Variants in CLSTN1 observed in about 807,000 individuals in gnomAD.
The protein encoded by CLSTN1 is calsyntenin 1.
CLSTN1 carries 28 observed loss-of-function variants against 108.3 expected under a neutral mutation model. The observed-to-expected ratio is 0.26, with a 90% confidence interval of 0.19 to 0.35. The LOEUF (loss-of-function observed/expected upper bound fraction) is 0.35. CLSTN1 is among the 10% of genes least tolerant of loss of function. The pLI is 1.00. For synonymous variants in CLSTN1, 524 were observed against 534.9 expected (o/e 0.98, Z 0.28); for missense variants, 1,157 against 1,302.6 (o/e 0.89, Z 1.72).
rs568961842 is a variant in CLSTN1 at position 9,791,203 on chromosome 1, C to A, written c.92-17809G>T. Among the ~76,000 whole-genome samples, 54 of 148,454 alleles carry A rather than the reference C, an allele frequency of 3.6e-4. 5 individuals are homozygous for A. In the South Asian group the frequency reaches 0.012, roughly 33 times the overall value. On this transcript the variant is annotated intron_variant, in intron 1 of 18. Coordinates refer to ENST00000377298, the MANE Select transcript of CLSTN1 (RefSeq NM_001009566.3). ...CCTGTTAAACCTGGCTTAAATATAG[C>A]AACCCTAAAGCTGAAAGACAAAGAA...
upstream of CLSTN1, chr1:9,824,041 G>C (rs1655308643): frequency 6.7e-6 from 1 of 148,334 alleles, no homozygotes; most frequent in East Asian, 2.0e-4. The surrounding 1 kb of genome is among the most constrained non-coding windows in gnomAD (Gnocchi z 5.0). Context: ...GGCGGGGATG[G>C]GGAGCGACGC....
rs532407641 is a variant in CLSTN1, at chr1:9,781,034, G to GGA, written c.92-7641_92-7640insTC. The GGA allele has an allele frequency of 3.3e-4, 173 of 516,810 alleles. 1 individual carries two copies. The highest frequency in any genetic ancestry group is 2.8e-3 in the African/African-American group (141 of 50,628). The allele number at this position is 516,810 out of a possible 1,614,324, so 32.0% of individuals were successfully genotyped here. A position where few individuals can be genotyped will look rare whatever the true frequency, so the allele number is the denominator to read the frequency against. ...GATTTTGGAGCATTTCACATTTCAG[G>GGA]TTTTGGGATTAAGAGTATCCAACCT... is the stretch of plus-strand genomic sequence containing the variant. On this transcript the variant is annotated intron_variant, in intron 1 of 18. Transcript: ENST00000377298.
intron 2 of CLSTN1, among the ~76,000 whole-genome samples, chr1:9,759,338 C>A (rs536612227): frequency 1.3e-5 from 2 of 152,218 alleles, no homozygotes; most frequent in Non-Finnish European, 2.9e-5. Context: ...TGCAGTGGCA[C>A]GATCTTGGCT....
intron 2 of CLSTN1, among the ~76,000 whole-genome samples, chr1:9,762,855 G>A (rs1194420726): frequency 6.6e-6 from 1 of 152,170 alleles, no homozygotes; most frequent in East Asian, 1.9e-4. Flanking sequence ...GGGTGTCCGG[G>A]CTGTCCCTGA....
Position 9,823,647 on chromosome 1 carries a change from C to A in CLSTN1, c.87G>T (p.Ala29=). 1.7e-6 allele frequency: 2 copies of A among 1,178,560 alleles called. No homozygotes were observed. Among genetic ancestry groups the A allele is most frequent in the Non-Finnish European group, 2.1e-6 (2 of 952,330 alleles). The allele number at this position is 1,178,560 out of a possible 1,614,324, so 73.0% of individuals were successfully genotyped here. A position where few individuals can be genotyped will look rare whatever the true frequency, so the allele number is the denominator to read the frequency against. The stretch of plus-strand genomic sequence containing the variant: ...CGGCCCAGCCCCGGGGCTTACCTCG[C>A]GCGGCCCAGACCCCGCCGCCGCACA... ...GLLCGGGVWA[A]RVNKHKPWLE... is the part of the protein sequence containing the mutation. The change falls in exon 1 of 19, where the codon GCG becomes GCT. Residue 29 remains alanine (A), a synonymous_variant. Transcript: ENST00000377298. This position sits in a 1 kb window ranked among gnomAD's most constrained non-coding sequence, Gnocchi z 6.3.
rs148218050 is a variant in CLSTN1, at chr1:9,819,559, A to G, written c.91+4084T>C. Among the ~76,000 whole-genome samples the G allele has an allele frequency of 8.4e-3, 1,283 of 152,296 alleles. 19 individuals carry two copies. Among genetic ancestry groups the G allele is most frequent in the East Asian group, 0.043 (226 of 5,196 alleles). On this transcript the variant is annotated intron_variant, in intron 1 of 18. Coordinates refer to ENST00000377298, the MANE Select transcript of CLSTN1 (RefSeq NM_001009566.3). ...AATACTGGCACAGATAATGTATGTT[A>G]TGACCTCCTAAACCTTCCTTTTGAA...
chr1:9,731,472 G>T, intron 17 of CLSTN1, 82 bp from the exon 18 acceptor site: 1 of 1,428,822 alleles, frequency 7.0e-7, no homozygotes, highest in Non-Finnish European at 9.7e-7. Flanking sequence ...GCTGTGCCTG[G>T]TCAAAACGGG....
At position 9,749,759 on chromosome 1, in the gene CLSTN1, C is replaced by T. The variant is rs1359643148; in HGVS notation, c.799+5G>A. ...TGTGAGCGCAGGGGAGAGAATGAAGCTCACCTTGCCACCCAGGGGTGCAGG... is the reference window on the plus strand; with the variant it reads ...TGTGAGCGCAGGGGAGAGAATGAAGTTCACCTTGCCACCCAGGGGTGCAGG... On this transcript the variant is annotated splice_donor_5th_base_variant and intron_variant, in intron 6 of 18. Transcript: ENST00000377298. 1.2e-6 allele frequency: 2 copies of T among 1,613,840 alleles called. No homozygotes were observed. Among genetic ancestry groups the T allele is most frequent in the South Asian group, 1.1e-5 (1 of 91,032 alleles).
intron 12 of CLSTN1, 98 bp from the exon 13 acceptor site, chr1:9,735,713 A>C (rs925840057): frequency 2.7e-5 from 42 of 1,539,864 alleles, no homozygotes; most frequent in Non-Finnish European, 3.7e-5. Context: ...CCTGGGTTCG[A>C]TTTGAATTGC....
rs543170757 is a variant in CLSTN1, at chr1:9,745,524, G to A, written c.986-881C>T. 9.2e-5 allele frequency among the ~76,000 whole-genome samples: 14 copies of A among 151,962 alleles called. 1 individual carries two copies. In the East Asian group the frequency reaches 2.6e-3, roughly 28 times the overall value. On this transcript the variant is annotated intron_variant, in intron 7 of 18. Transcript: ENST00000377298. ...ACACAAAAATTAGCCAGGTGTGGTG[G>A]TGCATCCCTGTAGTCCCAGCTACTT...
chr1:9,766,839 G>C (rs184394408), intron 2 of CLSTN1, among the ~76,000 whole-genome samples: 3 of 152,214 alleles, frequency 2.0e-5, no homozygotes, highest in African/African-American at 7.2e-5. Flanking sequence ...CAATCCGGGC[G>C]AGACTGGATC....
Position 9,804,361 on chromosome 1 carries a change from C to CAA in CLSTN1, c.91+19280_91+19281dup, listed in dbSNP as rs35632390. On this transcript the variant is annotated intron_variant, in intron 1 of 18. Coordinates refer to ENST00000377298, the MANE Select transcript of CLSTN1 (RefSeq NM_001009566.3). ...CTGGCGACAGAGAGAGACTCCATCT[C>CAA]AAAAAAAAAAAAAAAAAAAAGGCGA... Among the ~76,000 whole-genome samples the CAA allele has an allele frequency of 8.5e-4, 55 of 65,082 alleles. 2 individuals carry two copies. The highest frequency in any genetic ancestry group is 1.8e-3 in the African/African-American group (37 of 20,236). The allele number at this position is 65,082 out of a possible 152,430, so 42.7% of individuals were successfully genotyped here. A position where few individuals can be genotyped will look rare whatever the true frequency, so the allele number is the denominator to read the frequency against.
At chr1:9,741,389 A>C in intron 9 of CLSTN1, 133 bp from the exon 10 acceptor site, 1 of 818,400 alleles carries the variant, frequency 1.2e-6, no homozygotes, top group Non-Finnish European at 1.9e-6. Context: ...ACCACAAAAT[A>C]TCTGCAAATA....
rs774085962 is a variant in CLSTN1, at chr1:9,823,256, T to TGCGC, written c.91+383_91+386dup. Reference sequence around the variant, plus strand: ...CCCAGGGGTGCAGCCCCAGCCTGCGTGCGCCGCTGAGCAGGGCGGACTGAC... The same window carrying TGCGC: ...CCCAGGGGTGCAGCCCCAGCCTGCGTGCGCGCGCCGCTGAGCAGGGCGGACTGAC... On this transcript the variant is annotated intron_variant, in intron 1 of 18. Transcript: ENST00000377298. The surrounding 1 kb of genome is among the most constrained non-coding windows in gnomAD (Gnocchi z 6.3). 1.2e-4 allele frequency among the ~76,000 whole-genome samples: 19 copies of TGCGC among 152,176 alleles called. No homozygotes were observed. Among genetic ancestry groups the TGCGC allele is most frequent in the Non-Finnish European group, 2.5e-4 (17 of 68,012 alleles).
At chr1:9,805,591 G>A (rs192038706) in intron 1 of CLSTN1, among the ~76,000 whole-genome samples, 32 of 152,218 alleles carry the variant, frequency 2.1e-4, no homozygotes, top group Admixed American at 2.1e-3. Context: ...TTTAGGTTGG[G>A]CACAATGGCT....
At chr1:9,766,446 C>A (rs1274816636) in intron 2 of CLSTN1, among the ~76,000 whole-genome samples, 8 of 152,106 alleles carry the variant, frequency 5.3e-5, no homozygotes, top group Admixed American at 5.2e-4. Flanking sequence ...TCACTTGAGG[C>A]CAGGAGTTCG....
intron 1 of CLSTN1, among the ~76,000 whole-genome samples, chr1:9,813,825 C>G (rs893594119): frequency 6.6e-6 from 1 of 151,962 alleles, no homozygotes. Flanking sequence ...GTTGGCTGGG[C>G]GCGGTGGCTC....
At chr1:9,731,492 A>C in intron 17 of CLSTN1, 102 bp from the exon 18 acceptor site, 1 of 1,266,156 alleles carries the variant, frequency 7.9e-7, no homozygotes, top group Non-Finnish European at 1.1e-6. Flanking sequence ...GCTGGACAGC[A>C]CGCTTCAGCT....
upstream of CLSTN1, chr1:9,824,207 T>G (rs1374514730): frequency 1.4e-5 from 2 of 143,358 alleles, no homozygotes; most frequent in African/African-American, 2.6e-5. This position sits in a 1 kb window ranked among gnomAD's most constrained non-coding sequence, Gnocchi z 5.0. Flanking sequence ...GCGCCTGGGG[T>G]GGGTTCCGAG....
Sources: gnomAD v4.1 joint callset for allele counts (sites outside exome capture counted in the v4.1 genomes callset) on GRCh38, gnomAD v4.1.1 for gene constraint, Gnocchi (gnomAD v3.1) non-coding constraint, MANE v1.5 for transcripts, NCBI Gene and HGNC (gene_info 2026-07-23, HGNC 2026-07-21) for gene names.